PHOSPHO2: variants seen among roughly 807,000 people sequenced by gnomAD.
The protein encoded by PHOSPHO2 is phosphatase, orphan 2, also known as pyridoxal phosphate phosphatase PHOSPHO2.
In PHOSPHO2, 14 loss-of-function variants were observed where a neutral mutation model predicts 16.4. The observed-to-expected ratio is 0.85, with a 90% CI of 0.56 to 1.33. The LOEUF is 1.33. PHOSPHO2 is among the 40% of genes most tolerant of loss of function. The probability of loss-of-function intolerance (pLI) is 0.00; values close to 1 mark genes in which losing one functional copy is unlikely to be tolerated. For synonymous variants in PHOSPHO2, 85 were observed against 90.5 expected, an observed-to-expected ratio of 0.94 and a Z score of 0.34; for missense variants, 246 against 282.5, an observed-to-expected ratio of 0.87 and a Z score of 0.93.
At chr2:169,695,530 T>C (rs192968739) in intron 2 of PHOSPHO2, among the ~76,000 whole-genome samples, 2 of 151,916 alleles carry the variant, frequency 1.3e-5, no homozygotes, top group Admixed American at 1.3e-4. Flanking sequence ...CCAGGTACTC[T>C]GGAGGCTGAG....
intron 1 of PHOSPHO2, chr2:169,694,823 C>T (rs1477498598): frequency 5.2e-6 from 1 of 193,512 alleles, no homozygotes; most frequent in African/African-American, 2.3e-5. Flanking sequence ...CAAAGCCCTC[C>T]CTTAACTATA....
chr2:169,695,426 G>C (rs1687483524), intron 2 of PHOSPHO2, among the ~76,000 whole-genome samples, 179 bp downstream of exon 2: 1 of 152,130 alleles, frequency 6.6e-6, no homozygotes, highest in African/African-American at 2.4e-5. Context: ...CACGAGGTCA[G>C]GAGATCGAGA....
intron 3 of PHOSPHO2, among the ~76,000 whole-genome samples, chr2:169,699,147 C>T (rs141845579): frequency 1.3e-5 from 2 of 152,118 alleles, no homozygotes; most frequent in East Asian, 3.9e-4. Context: ...CATCCACTAG[C>T]TGTTTTCCTG....
chr2:169,701,604 G>C lies in PHOSPHO2; in HGVS notation c.633G>C (p.Met211Ile), dbSNP rs771725726. Residue 211 changes from methionine (M) to isoleucine (I), a missense_variant, in exon 4 of 4, where the codon ATG becomes ATC. Transcript: ENST00000359744. ...GYTLQKTLSRMSQNLEPMEYS... is the reference protein window; with the variant it reads ...GYTLQKTLSRISQNLEPMEYS... ...CCTTACAGAAAACTCTTTCCAGAAT[G>C]TCTCAAAATCTTGAGCCTATGGAAT... The C allele has an allele frequency of 1.2e-6, 2 of 1,607,974 alleles. No homozygotes were observed. The highest frequency in any genetic ancestry group is 1.3e-5 in the African/African-American group (1 of 74,880).
chr2:169,700,976 A>C lies in PHOSPHO2; in HGVS notation c.5A>C (p.Lys2Thr). The part of the protein sequence containing the change: M[K>T]ILLVFDFDNT... ...TCCAAATCTATTTCTGGAACCATGA[A>C]AATTTTGCTAGTTTTTGACTTTGAC... Residue 2 changes from lysine (K) to threonine (T), a missense_variant, in exon 4 of 4, where the codon AAA becomes ACA. Coordinates refer to ENST00000359744, the MANE Select transcript of PHOSPHO2 (RefSeq NM_001008489.4). 6.3e-7 allele frequency: 1 copy of C among 1,587,912 alleles called. No individual in the cohort carries two copies. The highest frequency in any genetic ancestry group is 8.6e-7 in the Non-Finnish European group (1 of 1,169,556).
chr2:169,696,593 T>C (rs1027111178), intron 2 of PHOSPHO2, among the ~76,000 whole-genome samples: 2 of 152,252 alleles, frequency 1.3e-5, no homozygotes, highest in African/African-American at 4.8e-5. Context: ...CAGGATATTG[T>C]TACACTATGG....
At chr2:169,695,120 A>G (rs1487676787) in intron 1 of PHOSPHO2, 95 bp from the exon 2 acceptor site, 1 of 152,290 alleles carries the variant, frequency 6.6e-6, no homozygotes, top group Non-Finnish European at 1.5e-5. Flanking sequence ...TGACGTGTAC[A>G]CATAATGCAC....
At chr2:169,700,128 C>T (rs985055274) in intron 3 of PHOSPHO2, among the ~76,000 whole-genome samples, 1 of 152,128 alleles carries the variant, frequency 6.6e-6, no homozygotes, top group Non-Finnish European at 1.5e-5. Flanking sequence ...AAATTTTCTC[C>T]CATTCTCTAA....
At chr2:169,695,471 G>A (rs1687485961) in intron 2 of PHOSPHO2, among the ~76,000 whole-genome samples, 1 of 151,688 alleles carries the variant, frequency 6.6e-6, no homozygotes, top group Non-Finnish European at 1.5e-5. Context: ...CCTGTCTCTA[G>A]CAAAAATACA....
chr2:169,701,254 A>G lies in PHOSPHO2; in HGVS notation c.283A>G (p.Ile95Val). Residue 95 changes from isoleucine to valine, a missense_variant, in exon 4 of 4, where the codon ATT becomes GTT. Transcript: ENST00000359744. ...IRKNKDKFDC[I>V]IISDSNSVFI... The stretch of plus-strand genomic sequence containing the variant: ...AAAGAATAAGGATAAATTTGACTGC[A>G]TTATTATTTCAGATTCAAATTCGGT... 6.2e-7 allele frequency: 1 copy of G among 1,613,828 alleles called. No homozygotes were observed. Among genetic ancestry groups the G allele is most frequent in the Non-Finnish European group, 8.5e-7 (1 of 1,179,914 alleles).
chr2:169,700,961 T>C lies in PHOSPHO2; in HGVS notation c.-11T>C, dbSNP rs2105601542. 1 of 1,582,266 alleles carries C rather than the reference T, an allele frequency of 6.3e-7. No individual in the cohort carries two copies. Among genetic ancestry groups the C allele is most frequent in the Non-Finnish European group, 8.6e-7 (1 of 1,167,746 alleles). On this transcript the variant is annotated 5_prime_UTR_variant, in exon 4 of 4. Transcript: ENST00000359744. The stretch of plus-strand genomic sequence containing the variant: ...TCTTTTTCAGGGTAATCCAAATCTA[T>C]TTCTGGAACCATGAAAATTTTGCTA...
chr2:169,700,020 G>T (rs765285312), intron 3 of PHOSPHO2, among the ~76,000 whole-genome samples: 13 of 152,172 alleles, frequency 8.5e-5, no homozygotes, highest in Non-Finnish European at 1.9e-4. Flanking sequence ...AATGAAAAGA[G>T]CAGTGACATC....
chr2:169,700,963 T>G lies in PHOSPHO2; in HGVS notation c.-9T>G. On this transcript the variant is annotated 5_prime_UTR_variant, in exon 4 of 4. Coordinates refer to ENST00000359744, the MANE Select transcript of PHOSPHO2 (RefSeq NM_001008489.4). ...TTTTTCAGGGTAATCCAAATCTATT[T>G]CTGGAACCATGAAAATTTTGCTAGT... 6.3e-7 allele frequency: 1 copy of G among 1,585,012 alleles called. No homozygotes were observed. The highest frequency in any genetic ancestry group is 8.6e-7 in the Non-Finnish European group (1 of 1,168,676).
At chr2:169,695,038 C>T (rs1446981941) in intron 1 of PHOSPHO2, among the ~76,000 whole-genome samples, 177 bp from the exon 2 acceptor site, 1 of 152,148 alleles carries the variant, frequency 6.6e-6, no homozygotes, top group African/African-American at 2.4e-5. Flanking sequence ...GGAGTAGCTG[C>T]GCGTTTGGTT....
chr2:169,694,523 G>A lies in PHOSPHO2; in HGVS notation c.-330G>A. ...GCGCCTGCGCTTGCGAGCTGGGCTT[G>A]TGAGTGGGGCTGCCGAGAGGGCAGG... On this transcript the variant is annotated 5_prime_UTR_variant, in exon 1 of 4. The change creates a new upstream start codon in the 5' untranslated region. Coordinates refer to ENST00000359744, the MANE Select transcript of PHOSPHO2 (RefSeq NM_001008489.4). 1 of 642,898 alleles carries A rather than the reference G, an allele frequency of 1.6e-6. No homozygotes were observed. The highest frequency in any genetic ancestry group is 2.7e-5 in the East Asian group (1 of 36,706). The allele number at this position is 642,898 out of a possible 1,614,324, so 39.8% of individuals were successfully genotyped here. A position where few individuals can be genotyped will look rare whatever the true frequency, so the allele number is the denominator to read the frequency against.
At chr2:169,696,583 C>A (rs1475985891) in intron 2 of PHOSPHO2, among the ~76,000 whole-genome samples, 1 of 152,136 alleles carries the variant, frequency 6.6e-6, no homozygotes, top group Non-Finnish European at 1.5e-5. Context: ...GTAAAGTATG[C>A]AGGATATTGT....
intron 2 of PHOSPHO2, among the ~76,000 whole-genome samples, chr2:169,695,637 CA>C (rs71006023): frequency 4.7e-4 from 67 of 141,776 alleles, no homozygotes; most frequent in Non-Finnish European, 4.3e-4. Flanking sequence ...GACTCCGTCT[CA>C]AAAAAAAAAA....
At chr2:169,694,752 G>A in intron 1 of PHOSPHO2, 130 bp downstream of exon 1, 1 of 291,470 alleles carries the variant, frequency 3.4e-6, no homozygotes, top group Non-Finnish European at 6.8e-6. Context: ...GTGTGTGAGC[G>A]CGCGAGGCCT....
rs534657287 is a variant in PHOSPHO2, at chr2:169,698,955, A to G, written c.-27+1424A>G. 1.4e-4 allele frequency among the ~76,000 whole-genome samples: 21 copies of G among 152,346 alleles called. No individual in the cohort carries two copies. The South Asian group carries it at 4.3e-3, about 32-fold the overall frequency. ...AATATCATATAGAGTGTCAGCAATCATTTACTTATAATATTGATATTTAGA... is the reference window on the plus strand; with the variant it reads ...AATATCATATAGAGTGTCAGCAATCGTTTACTTATAATATTGATATTTAGA... On this transcript the variant is annotated intron_variant, in intron 3 of 3. Coordinates refer to ENST00000359744, the MANE Select transcript of PHOSPHO2 (RefSeq NM_001008489.4).
Sources: allele counts gnomAD v4.1 joint callset (sites outside exome capture counted in the v4.1 genomes callset), GRCh38; gene constraint gnomAD v4.1.1; transcripts MANE v1.5; gene names NCBI Gene and HGNC (gene_info 2026-07-23, HGNC 2026-07-21).